Variants in NBEA observed in about 807,000 individuals in gnomAD.
NBEA encodes the protein neurobeachin.
In NBEA, 44 loss-of-function variants were observed where a neutral mutation model predicts 343.4. That is an observed-to-expected ratio of 0.13 (90% CI 0.10 to 0.16). The LOEUF is 0.16. Ranked by LOEUF, NBEA falls within the 10% of genes least tolerant of loss-of-function variation. The pLI is 1.00. For synonymous variants in NBEA, 1,175 were observed against 1,238.7 expected, an observed-to-expected ratio of 0.95 and a Z score of 1.08; for missense variants, 2,555 against 3,631.3, an observed-to-expected ratio of 0.70 and a Z score of 7.62.
At chr13:35,475,940 C>T in intron 41 of NBEA, 1 of 1,614,146 alleles carries the variant, frequency 6.2e-7, no homozygotes, top group Non-Finnish European at 8.5e-7. Flanking sequence ...GAGATGACCT[C>T]GAGGCCCTCG....
intron 41 of NBEA, among the ~76,000 whole-genome samples, chr13:35,478,597 G>C (rs553465400): frequency 5.9e-5 from 9 of 152,352 alleles, no homozygotes; most frequent in African/African-American, 2.2e-4. Flanking sequence ...CTTTATTTCT[G>C]CGTGAGCTTA....
intron 36 of NBEA, among the ~76,000 whole-genome samples, chr13:35,324,128 A>G (rs957207281): frequency 6.6e-6 from 1 of 152,184 alleles, no homozygotes; most frequent in African/African-American, 2.4e-5. Context: ...GAAGTGAATT[A>G]ACAGGGGCTA....
At chr13:35,255,931 C>T (rs2032536249) in intron 34 of NBEA, among the ~76,000 whole-genome samples, 1 of 152,250 alleles carries the variant, frequency 6.6e-6, no homozygotes, top group African/African-American at 2.4e-5. Context: ...AGTGACAGAA[C>T]AACTCTTGGG....
chr13:35,471,058 G>A (rs1477242686), intron 40 of NBEA, among the ~76,000 whole-genome samples: 1 of 152,156 alleles, frequency 6.6e-6, no homozygotes, highest in Non-Finnish European at 1.5e-5. Flanking sequence ...GAAAGACAGG[G>A]CTGTGCGTGG....
chr13:35,193,495 A>G (rs1354183913), intron 30 of NBEA, among the ~76,000 whole-genome samples: 1 of 151,806 alleles, frequency 6.6e-6, no homozygotes, highest in Non-Finnish European at 1.5e-5. Context: ...TCTTTTTCTT[A>G]ACCTAGATAT....
At chr13:35,421,937 T>A (rs907477802) in intron 38 of NBEA, among the ~76,000 whole-genome samples, 3 of 152,126 alleles carry the variant, frequency 2.0e-5, no homozygotes, top group Admixed American at 6.6e-5. Flanking sequence ...CTCTTTAGAC[T>A]TTCTTTGCCC....
chr13:35,107,773 C>G (rs563485993), intron 11 of NBEA, among the ~76,000 whole-genome samples: 1 of 151,922 alleles, frequency 6.6e-6, no homozygotes, highest in Non-Finnish European at 1.5e-5. Flanking sequence ...TGAGTTCTAC[C>G]TTTAAGGTAA....
chr13:34,951,460 A>T (rs1174015183), intron 1 of NBEA, among the ~76,000 whole-genome samples: 3 of 152,166 alleles, frequency 2.0e-5, no homozygotes, highest in Non-Finnish European at 4.4e-5. Context: ...TGGTCCTGAG[A>T]ATCACCTGAC....
At chr13:35,316,735 A>G (rs917720729) in intron 36 of NBEA, among the ~76,000 whole-genome samples, 6 of 152,190 alleles carry the variant, frequency 3.9e-5, no homozygotes, top group African/African-American at 9.7e-5. Flanking sequence ...ACAGTGTAAC[A>G]GCGTTCCTAT....
intron 30 of NBEA, among the ~76,000 whole-genome samples, chr13:35,184,479 C>T (rs1185654320): frequency 1.3e-5 from 2 of 151,902 alleles, no homozygotes; most frequent in Non-Finnish European, 2.9e-5. Context: ...AAAGCCCCAA[C>T]ACTGTAAAGG....
intron 4 of NBEA, among the ~76,000 whole-genome samples, chr13:35,047,912 A>G (rs1191530422): frequency 6.6e-6 from 1 of 151,770 alleles, no homozygotes; most frequent in Non-Finnish European, 1.5e-5. Context: ...CTACTTTCTT[A>G]TTTATTCCTT....
At chr13:34,976,578 A>C (rs1015824178) in intron 1 of NBEA, among the ~76,000 whole-genome samples, 4 of 152,166 alleles carry the variant, frequency 2.6e-5, no homozygotes, top group African/African-American at 7.2e-5. Context: ...TGAAATAAAA[A>C]ATTTAAAATA....
chr13:35,235,986 T>C (rs987252495), intron 34 of NBEA, among the ~76,000 whole-genome samples: 2 of 152,242 alleles, frequency 1.3e-5, no homozygotes, highest in African/African-American at 2.4e-5. Flanking sequence ...CTTGTAACTT[T>C]CTACATTCAA....
Position 35,612,844 on chromosome 13 carries a change from A to C in NBEA, c.7449+6266A>C, listed in dbSNP as rs376560773. 5.8e-4 allele frequency among the ~76,000 whole-genome samples: 89 copies of C among 152,302 alleles called. 3 individuals are homozygous for C. In the East Asian group the frequency reaches 0.017, roughly 29 times the overall value. On this transcript the variant is annotated intron_variant, in intron 48 of 58. Transcript: ENST00000379939. ...GGGTGGTAATGCAATCCAACTAAAT[A>C]AACTTTCCAGATAAATGAATTTTCT... is the stretch of plus-strand genomic sequence containing the variant.
At chr13:35,322,525 T>C (rs2038232641) in intron 36 of NBEA, among the ~76,000 whole-genome samples, 1 of 152,140 alleles carries the variant, frequency 6.6e-6, no homozygotes, top group Non-Finnish European at 1.5e-5. Context: ...GCCTTCTGGG[T>C]TTATCTCGCT....
At chr13:35,392,787 T>C (rs894418740) in intron 38 of NBEA, among the ~76,000 whole-genome samples, 3 of 152,158 alleles carry the variant, frequency 2.0e-5, no homozygotes, top group African/African-American at 7.2e-5. Flanking sequence ...AATGGGACTT[T>C]TTTTGCCCTA....
intron 41 of NBEA, among the ~76,000 whole-genome samples, chr13:35,480,833 A>T (rs1386447611): frequency 6.6e-6 from 1 of 151,984 alleles, no homozygotes; most frequent in Non-Finnish European, 1.5e-5. Flanking sequence ...TTTTTCTGGT[A>T]ACCTAATTTG....
At chr13:35,025,127 C>T (rs1247114954) in intron 1 of NBEA, among the ~76,000 whole-genome samples, 1 of 152,080 alleles carries the variant, frequency 6.6e-6, no homozygotes, top group Non-Finnish European at 1.5e-5. Context: ...TTTAGGTTGT[C>T]TGCTTATTTT....
intron 56 of NBEA, 49 bp from the exon 57 acceptor site, chr13:35,667,325 T>A: frequency 6.7e-7 from 1 of 1,500,080 alleles, no homozygotes; most frequent in East Asian, 2.3e-5. Context: ...AGCTAGTATG[T>A]CGTTTGTCGT....
Sources: gnomAD v4.1 joint callset for allele counts (sites outside exome capture counted in the v4.1 genomes callset) on GRCh38, gnomAD v4.1.1 for gene constraint, MANE v1.5 for transcripts, NCBI Gene and HGNC (gene_info 2026-07-23, HGNC 2026-07-21) for gene names.